The following SCOC variants were observed in gnomAD, a reference collection of about 807,000 sequenced individuals.
SCOC encodes the protein short coiled-coil protein.
In SCOC, 7 loss-of-function variants were observed where a neutral mutation model predicts 9.9. The observed-to-expected ratio is 0.71, with a 90% CI of 0.40 to 1.33. SCOC has a LOEUF of 1.33. Among genes scored for constraint, SCOC ranks in the 40% most tolerant of loss-of-function variants. The pLI is 0.01. For missense variants in SCOC, 66 were observed against 89.7 expected (o/e 0.74, Z 1.07); for synonymous variants, 19 against 28.2 (o/e 0.67, Z 1.03).
chr4:140,311,412 T>G (rs746329085), intron 1 of SCOC, among the ~76,000 whole-genome samples: 2 of 151,986 alleles, frequency 1.3e-5, no homozygotes, highest in Non-Finnish European at 2.9e-5. Flanking sequence ...TTATGTTGAG[T>G]GAATCTATGT....
intron 1 of SCOC, among the ~76,000 whole-genome samples, chr4:140,262,050 G>A (rs1730643905): frequency 6.6e-6 from 1 of 152,208 alleles, no homozygotes; most frequent in Admixed American, 6.5e-5. Flanking sequence ...TTTAGTGTTT[G>A]AAAGATGAAT....
At chr4:140,348,211 TG>T (rs1726824273) in intron 2 of SCOC, among the ~76,000 whole-genome samples, 2 of 152,138 alleles carry the variant, frequency 1.3e-5, no homozygotes, top group South Asian at 2.1e-4. Flanking sequence ...TACAATATAT[TG>T]TTTTTAACTA....
chr4:140,366,316 C>T, intron 2 of SCOC: 2 of 1,412,908 alleles, frequency 1.4e-6, no homozygotes, highest in Non-Finnish European at 1.9e-6. Flanking sequence ...GGAGGCGCTG[C>T]CTTCTGGCCT....
intron 2 of SCOC, among the ~76,000 whole-genome samples, chr4:140,349,603 T>C (rs1726891029): frequency 6.6e-6 from 1 of 152,202 alleles, no homozygotes; most frequent in South Asian, 2.1e-4. Flanking sequence ...TTCATAATTT[T>C]AATTAATGGC....
At chr4:140,308,766 A>T (rs755425439) in intron 1 of SCOC, among the ~76,000 whole-genome samples, 1 of 152,200 alleles carries the variant, frequency 6.6e-6, no homozygotes, top group East Asian at 1.9e-4. Flanking sequence ...TCCTCCTGCT[A>T]TGCAAGCTGT....
At chr4:140,368,310 G>A (rs1316801656) in intron 2 of SCOC, among the ~76,000 whole-genome samples, 3 of 152,016 alleles carry the variant, frequency 2.0e-5, no homozygotes, top group African/African-American at 7.3e-5. Flanking sequence ...AATCAGTTTT[G>A]AACTTAGCTT....
chr4:140,341,347 A>C (rs780702195), upstream of SCOC, among the ~76,000 whole-genome samples: 3 of 152,158 alleles, frequency 2.0e-5, no homozygotes, highest in Non-Finnish European at 4.4e-5. Flanking sequence ...TTATGAGTAG[A>C]TAATAGAATG....
rs760914054 is a variant in SCOC, at chr4:140,313,811, A to G, written c.-18-29810A>G. On this transcript the variant is annotated intron_variant, in intron 1 of 4. Coordinates refer to the SCOC transcript ENST00000394205. The stretch of plus-strand genomic sequence containing the variant: ...GTCCTGTTTTTTTTTTAAATGATTA[A>G]GAGAATATTTATTTAAGCAAGAATA... 2.0e-5 allele frequency among the ~76,000 whole-genome samples: 3 copies of G among 152,056 alleles called. No homozygotes were observed. In the East Asian group the frequency reaches 5.8e-4, roughly 29 times the overall value.
chr4:140,332,084 A>T (rs1732830922), intron 1 of SCOC, among the ~76,000 whole-genome samples: 1 of 152,232 alleles, frequency 6.6e-6, no homozygotes, highest in East Asian at 1.9e-4. Flanking sequence ...TCATGTGAAC[A>T]GCACTAGTGG....
intron 2 of SCOC, among the ~76,000 whole-genome samples, chr4:140,358,027 C>T (rs1409346118): frequency 6.6e-6 from 1 of 152,110 alleles, no homozygotes; most frequent in Non-Finnish European, 1.5e-5. Context: ...CTCTCTCTAA[C>T]GCCTATGCAC....
At chr4:140,346,127 T>C (rs1726727880) in intron 2 of SCOC, among the ~76,000 whole-genome samples, 1 of 152,202 alleles carries the variant, frequency 6.6e-6, no homozygotes, top group African/African-American at 2.4e-5. Flanking sequence ...CCTTCTCATC[T>C]TACAGTTTCT....
intron 1 of SCOC, among the ~76,000 whole-genome samples, chr4:140,309,730 C>A (rs1366729511): frequency 1.3e-5 from 2 of 152,116 alleles, no homozygotes; most frequent in Non-Finnish European, 2.9e-5. Context: ...TATATTGAAG[C>A]TTTCCTTGAA....
intron 1 of SCOC, chr4:140,285,278 C>T (rs932234745): frequency 4.4e-6 from 2 of 456,358 alleles, no homozygotes; most frequent in African/African-American, 4.0e-5. Flanking sequence ...TCTTAAGGAG[C>T]CAAAAGAGAG....
chr4:140,288,289 A>G (rs761152818), intron 1 of SCOC, among the ~76,000 whole-genome samples: 12 of 152,000 alleles, frequency 7.9e-5, no homozygotes, highest in Non-Finnish European at 1.6e-4. Flanking sequence ...ACATCATATA[A>G]ATACATACCT....
chr4:140,260,117 T>A (rs975096838), intron 1 of SCOC, among the ~76,000 whole-genome samples: 1 of 152,240 alleles, frequency 6.6e-6, no homozygotes, highest in African/African-American at 2.4e-5. Context: ...TTTTCCCTAG[T>A]GTTTTGAGTT....
At chr4:140,292,038 A>G (rs1019065098) in intron 1 of SCOC, among the ~76,000 whole-genome samples, 3 of 151,946 alleles carry the variant, frequency 2.0e-5, no homozygotes, top group Non-Finnish European at 4.4e-5. Flanking sequence ...GTTTATTGGA[A>G]CGACCACCCT....
intron 1 of SCOC, among the ~76,000 whole-genome samples, chr4:140,257,698 T>C (rs930916512): frequency 6.6e-6 from 1 of 152,198 alleles, no homozygotes; most frequent in Non-Finnish European, 1.5e-5. Context: ...ATTGTGAAGA[T>C]TGAAAGCATA....
At chr4:140,297,033 ACTC>A (rs1349503290) in intron 1 of SCOC, among the ~76,000 whole-genome samples, 5 of 152,058 alleles carry the variant, frequency 3.3e-5, no homozygotes, top group Non-Finnish European at 5.9e-5. Context: ...GGCTGATTTA[ACTC>A]CTCAACAGAA....
intron 1 of SCOC, among the ~76,000 whole-genome samples, chr4:140,258,364 T>C (rs1294427402): frequency 1.3e-5 from 2 of 152,246 alleles, no homozygotes; most frequent in Admixed American, 6.5e-5. Flanking sequence ...TGGTTCTCCT[T>C]GAGGCCAGCT....
Sources: gnomAD v4.1 joint callset for allele counts (sites outside exome capture counted in the v4.1 genomes callset) on GRCh38, gnomAD v4.1.1 for gene constraint, MANE v1.5 for transcripts, NCBI Gene and HGNC (gene_info 2026-07-23, HGNC 2026-07-21) for gene names.